ERC2: variants seen among roughly 807,000 people sequenced by gnomAD.
The protein encoded by ERC2 is ELKS/RAB6-interacting/CAST family member 2.
Under a neutral mutation model 114.8 loss-of-function variants are expected in ERC2, and 42 were observed. The ratio of observed to expected loss-of-function variants is 0.37; its 90% CI spans 0.29 to 0.47. The LOEUF is 0.47. Among genes scored for constraint, ERC2 ranks in the 20% least tolerant of loss-of-function variants. ERC2 has a pLI of 0.99. For synonymous variants in ERC2, 454 were observed against 425.5 expected (o/e 1.07, Z -0.82); for missense variants, 939 against 1,150.7 (o/e 0.82, Z 2.66).
chr3:56,411,225 A>G (rs1160149921), intron 2 of ERC2, among the ~76,000 whole-genome samples: 3 of 151,542 alleles, frequency 2.0e-5, no homozygotes, highest in Non-Finnish European at 1.5e-5. Context: ...GAGATCTCTG[A>G]AAATCTCTCA....
At chr3:55,709,817 A>G (rs1190911771) in intron 15 of ERC2, among the ~76,000 whole-genome samples, 1 of 152,162 alleles carries the variant, frequency 6.6e-6, no homozygotes, top group East Asian at 1.9e-4. Context: ...TTTTGACTCC[A>G]GGAGGTGTGG....
At chr3:56,115,800 C>T (rs538572012) in intron 6 of ERC2, among the ~76,000 whole-genome samples, 2 of 152,112 alleles carry the variant, frequency 1.3e-5, no homozygotes, top group African/African-American at 2.4e-5. Flanking sequence ...AGGGACTCAC[C>T]TTTTAGCATG....
At chr3:55,766,694 T>G (rs770026978) in intron 14 of ERC2, 1 of 152,348 alleles carries the variant, frequency 6.6e-6, no homozygotes, top group Non-Finnish European at 1.5e-5. Context: ...CTCTTATGTC[T>G]GGCACAGGTT....
chr3:56,428,095 G>C (rs1285590202), intron 2 of ERC2, among the ~76,000 whole-genome samples: 1 of 152,126 alleles, frequency 6.6e-6, no homozygotes, highest in Non-Finnish European at 1.5e-5. Flanking sequence ...TCTGAGGAGT[G>C]AGTACATCTG....
chr3:55,603,035 C>T (rs1427004045), intron 17 of ERC2, among the ~76,000 whole-genome samples: 1 of 152,076 alleles, frequency 6.6e-6, no homozygotes, highest in Non-Finnish European at 1.5e-5. Flanking sequence ...CCTCATATAT[C>T]CACAGAGCTT....
At chr3:56,390,835 C>CAGG (rs2106836315) in intron 2 of ERC2, among the ~76,000 whole-genome samples, 1 of 152,238 alleles carries the variant, frequency 6.6e-6, no homozygotes, top group African/African-American at 2.4e-5. Context: ...CCAAGATTAA[C>CAGG]AGGAAGCACT....
chr3:55,635,882 A>G (rs1458826967), intron 17 of ERC2, among the ~76,000 whole-genome samples: 1 of 150,200 alleles, frequency 6.7e-6, no homozygotes, highest in Non-Finnish European at 1.5e-5. Context: ...ATTTTATTTT[A>G]TTTTGTTTTA....
At chr3:55,680,134 T>G (rs2061989758) in intron 17 of ERC2, among the ~76,000 whole-genome samples, 1 of 152,228 alleles carries the variant, frequency 6.6e-6, no homozygotes, top group Non-Finnish European at 1.5e-5. Flanking sequence ...TTCTTCATTT[T>G]GAACAGGCTG....
intron 2 of ERC2, among the ~76,000 whole-genome samples, chr3:56,356,655 T>C (rs2058755221): frequency 6.6e-6 from 1 of 152,154 alleles, no homozygotes; most frequent in Admixed American, 6.5e-5. Flanking sequence ...ATACCCAGAT[T>C]TTACGCATTC....
At chr3:56,004,755 T>C (rs1171622098) in intron 10 of ERC2, among the ~76,000 whole-genome samples, 2 of 151,998 alleles carry the variant, frequency 1.3e-5, no homozygotes, top group Admixed American at 1.3e-4. Context: ...GAATTTTTGG[T>C]GTATTTATGA....
intron 10 of ERC2, among the ~76,000 whole-genome samples, chr3:56,006,182 G>A (rs2072476726): frequency 6.6e-6 from 1 of 151,962 alleles, no homozygotes; most frequent in African/African-American, 2.4e-5. Context: ...AAACATCTCT[G>A]TAAAGTGAAT....
intron 17 of ERC2, among the ~76,000 whole-genome samples, chr3:55,621,159 C>A (rs919580834): frequency 2.0e-5 from 3 of 152,106 alleles, no homozygotes; most frequent in African/African-American, 4.8e-5. Flanking sequence ...TAACTGCCCC[C>A]CCTCCAGCCA....
chr3:56,048,639 C>G (rs1002253555), intron 7 of ERC2, among the ~76,000 whole-genome samples: 2 of 152,186 alleles, frequency 1.3e-5, no homozygotes, highest in Non-Finnish European at 2.9e-5. Flanking sequence ...CATCTTCCTT[C>G]TCAATATGCC....
At chr3:56,345,491 T>C (rs2058269996) in intron 2 of ERC2, among the ~76,000 whole-genome samples, 1 of 152,194 alleles carries the variant, frequency 6.6e-6, no homozygotes, top group African/African-American at 2.4e-5. Flanking sequence ...ATGGTTAGTT[T>C]ATGAAGACCA....
chr3:55,813,787 T>C (rs1022914773), intron 14 of ERC2, among the ~76,000 whole-genome samples: 4 of 152,230 alleles, frequency 2.6e-5, no homozygotes, highest in Non-Finnish European at 5.9e-5. Flanking sequence ...AGCCTTAATA[T>C]GAATGCCAAA....
chr3:56,262,531 T>A (rs938955191), intron 3 of ERC2, among the ~76,000 whole-genome samples: 2 of 152,218 alleles, frequency 1.3e-5, no homozygotes, highest in African/African-American at 4.8e-5. Context: ...AAGACAGTAG[T>A]GTAAAGGCCA....
intron 2 of ERC2, among the ~76,000 whole-genome samples, chr3:56,355,862 T>A (rs1337168060): frequency 7.0e-6 from 1 of 142,300 alleles, no homozygotes; most frequent in Non-Finnish European, 1.6e-5. Flanking sequence ...GCTCTGAAAT[T>A]GTTCTGTCTG....
chr3:55,998,491 T>C (rs1255695132), intron 10 of ERC2, among the ~76,000 whole-genome samples: 2 of 152,180 alleles, frequency 1.3e-5, no homozygotes, highest in Non-Finnish European at 1.5e-5. Context: ...GGATCAATTA[T>C]AGGGTATGTG....
At chr3:55,915,464 G>A (rs2065040098) in intron 13 of ERC2, among the ~76,000 whole-genome samples, 1 of 152,130 alleles carries the variant, frequency 6.6e-6, no homozygotes, top group South Asian at 2.1e-4. Flanking sequence ...CTTGGTTTCA[G>A]AAAGAAATGG....
Sources: allele counts gnomAD v4.1 joint callset (sites outside exome capture counted in the v4.1 genomes callset), GRCh38; gene constraint gnomAD v4.1.1; transcripts MANE v1.5; gene names NCBI Gene and HGNC (gene_info 2026-07-23, HGNC 2026-07-21).